Variants in POC1A observed in about 807,000 individuals in gnomAD.
POC1A encodes the protein POC1 centriolar protein homolog A.
A neutral mutation model predicts 47.8 loss-of-function variants in POC1A; 34 were observed. The ratio of observed to expected loss-of-function variants is 0.71; its 90% CI spans 0.54 to 0.95. POC1A has a LOEUF of 0.95. POC1A is among the 40% of genes least tolerant of loss of function. The probability of loss-of-function intolerance (pLI) is 0.00; values close to 1 mark genes in which losing one functional copy is unlikely to be tolerated. For missense variants in POC1A, 466 were observed against 528.3 expected (o/e 0.88, Z 1.16); for synonymous variants, 177 against 207.6 (o/e 0.85, Z 1.27).
At position 52,084,816 on chromosome 3, in the gene POC1A, C is replaced by A. The variant is rs193124414; in HGVS notation, c.1126-8831G>T. ...TGAGTGGTACTGGTTCTTATGGGAG[C>A]GTCCTCTGAGCTGGAAGACAGGTGG... On this transcript the variant is annotated intron_variant, in intron 10 of 10. Transcript: ENST00000296484. This position sits in a 1 kb window ranked among gnomAD's most constrained non-coding sequence, Gnocchi z 4.3. Among the ~76,000 whole-genome samples the A allele has an allele frequency of 6.6e-6, 1 of 152,214 alleles. No individual in the cohort carries two copies. Among genetic ancestry groups the A allele is most frequent in the Non-Finnish European group, 1.5e-5 (1 of 68,040 alleles).
chr3:52,104,319 G>A (rs189229275), intron 9 of POC1A, among the ~76,000 whole-genome samples: 19 of 152,332 alleles, frequency 1.2e-4, no homozygotes, highest in African/African-American at 4.6e-4. Flanking sequence ...GGGGCTGGGG[G>A]TGGAGTGAGT....
At chr3:52,089,592 A>G (rs1251586862) in intron 10 of POC1A, among the ~76,000 whole-genome samples, 1 of 152,166 alleles carries the variant, frequency 6.6e-6, no homozygotes, top group Non-Finnish European at 1.5e-5. Context: ...CCATTTTTGC[A>G]GAAACAACCC....
intron 10 of POC1A, among the ~76,000 whole-genome samples, chr3:52,091,951 T>C (rs933109860): frequency 6.6e-6 from 1 of 152,020 alleles, no homozygotes; most frequent in Non-Finnish European, 1.5e-5. Flanking sequence ...TGATGAATGG[T>C]GGAGGTGTGC....
intron 9 of POC1A, among the ~76,000 whole-genome samples, chr3:52,113,022 G>A (rs949109014): frequency 6.6e-6 from 1 of 152,184 alleles, no homozygotes; most frequent in African/African-American, 2.4e-5. Flanking sequence ...AGCCCTCAGA[G>A]TGATTCTGAG....
Position 52,131,516 on chromosome 3 carries a change from G to A in POC1A, c.814-6335C>T, listed in dbSNP as rs749777891. Among the ~76,000 whole-genome samples the A allele has an allele frequency of 5.8e-4, 88 of 152,188 alleles. 1 individual carries two copies. Among genetic ancestry groups the A allele is most frequent in the Non-Finnish European group, 1.0e-3 (70 of 68,038 alleles). On this transcript the variant is annotated intron_variant, in intron 7 of 10. Coordinates refer to ENST00000296484, the MANE Select transcript of POC1A (RefSeq NM_015426.5). ...CCAAGACTTTCCAGAGCCTCAAATA[G>A]GGCACTGGCACCAGTGCCACCACGC...
intron 10 of POC1A, among the ~76,000 whole-genome samples, chr3:52,080,807 C>T (rs1430922849): frequency 6.6e-6 from 1 of 152,232 alleles, no homozygotes; most frequent in East Asian, 1.9e-4. Context: ...GTGGCCCATC[C>T]CCTGAAGACA....
At chr3:52,143,003 G>A (rs1698249004) in intron 6 of POC1A, among the ~76,000 whole-genome samples, 1 of 152,064 alleles carries the variant, frequency 6.6e-6, no homozygotes, top group African/African-American at 2.4e-5. Flanking sequence ...CAGCCTAGAG[G>A]CTATGGGATG....
intron 7 of POC1A, among the ~76,000 whole-genome samples, chr3:52,132,694 C>A (rs964019835): frequency 3.9e-5 from 6 of 152,148 alleles, no homozygotes; most frequent in Non-Finnish European, 7.3e-5. Flanking sequence ...AACTTGTAAC[C>A]AACATCCACC....
At position 52,096,696 on chromosome 3, in the gene POC1A, G is replaced by C. The variant is rs1424753054; in HGVS notation, c.998C>G (p.Pro333Arg). ...SMGNLPEVDFPVPPGRGRSVE... is the reference protein window; with the variant it reads ...SMGNLPEVDFRVPPGRGRSVE... ...ACTCCTGCCTCTGCCTGGGGGGACA[G>C]GGAAGTCCACTTCTGGCTAAAGACA... is the stretch of plus-strand genomic sequence containing the variant. The change falls in exon 10 of 11, where the codon CCT (proline) becomes CGT (arginine). Residue 333 changes from proline (P) to arginine (R), a missense_variant. Coordinates refer to ENST00000296484, the MANE Select transcript of POC1A (RefSeq NM_015426.5). The C allele has an allele frequency of 1.3e-6, 2 of 1,594,248 alleles. No homozygotes were observed. Among genetic ancestry groups the C allele is most frequent in the Admixed American group, 1.8e-5 (1 of 55,242 alleles).
At chr3:52,122,328 C>G in intron 9 of POC1A, 51 bp downstream of exon 9, 1 of 1,078,172 alleles carries the variant, frequency 9.3e-7, no homozygotes, top group Middle Eastern at 2.2e-4. Flanking sequence ...TTCACCATGA[C>G]CTAGCCCACC....
At chr3:52,081,456 A>C (rs2106927279) in intron 10 of POC1A, among the ~76,000 whole-genome samples, 1 of 152,314 alleles carries the variant, frequency 6.6e-6, no homozygotes, top group East Asian at 1.9e-4. Context: ...CAGTTCAACG[A>C]GGCAGATGCC....
intron 10 of POC1A, among the ~76,000 whole-genome samples, chr3:52,077,313 A>G (rs2106914904): frequency 6.6e-6 from 1 of 152,364 alleles, no homozygotes; most frequent in Non-Finnish European, 1.5e-5. Flanking sequence ...GTGGAAAGGA[A>G]ACTTTCTTTC....
intron 7 of POC1A, among the ~76,000 whole-genome samples, chr3:52,137,639 C>T (rs2107157444): frequency 6.6e-6 from 1 of 152,290 alleles, no homozygotes; most frequent in South Asian, 2.1e-4. Flanking sequence ...CCAGGGAGAC[C>T]AGGGAACCGG....
At chr3:52,148,462 G>C (rs1449926766) in intron 4 of POC1A, among the ~76,000 whole-genome samples, 1 of 152,190 alleles carries the variant, frequency 6.6e-6, no homozygotes, top group Non-Finnish European at 1.5e-5. Flanking sequence ...TTCCTCTGAA[G>C]CAAAGATATT....
intron 10 of POC1A, among the ~76,000 whole-genome samples, chr3:52,081,236 C>A (rs1288664766): frequency 6.6e-6 from 1 of 152,206 alleles, no homozygotes; most frequent in African/African-American, 2.4e-5. Flanking sequence ...TGCTGGCTTC[C>A]GTATGGTCTC....
At chr3:52,094,744 C>T (rs1247355921) in intron 10 of POC1A, among the ~76,000 whole-genome samples, 1 of 152,220 alleles carries the variant, frequency 6.6e-6, no homozygotes, top group Non-Finnish European at 1.5e-5. Context: ...AAGCAGGTGA[C>T]TGGCTGATAT....
chr3:52,086,082 G>A (rs1419256399), intron 10 of POC1A, among the ~76,000 whole-genome samples: 3 of 152,144 alleles, frequency 2.0e-5, no homozygotes, highest in Non-Finnish European at 4.4e-5. Context: ...CTCACTTCCC[G>A]GGTTGTGGTT....
At chr3:52,141,231 A>G (rs912052479) in intron 6 of POC1A, among the ~76,000 whole-genome samples, 12 of 151,934 alleles carry the variant, frequency 7.9e-5, no homozygotes, top group Middle Eastern at 3.4e-3. Flanking sequence ...GAGTACACCC[A>G]CTCCATGCTG....
rs1368103169 is a variant in POC1A at position 52,075,464 on chromosome 3, T to G, written c.*423A>C. On this transcript the variant is annotated 3_prime_UTR_variant, in exon 11 of 11. Transcript: ENST00000296484. ...TAGAGAAAACCCCCGGCTCATCCAA[T>G]CAATGTGCAATCAATTTCTACACCA... 1 of 169,324 alleles carries G rather than the reference T, an allele frequency of 5.9e-6. No homozygotes were observed. The highest frequency in any genetic ancestry group is 1.4e-4 in the East Asian group (1 of 6,900). The allele number at this position is 169,324 out of a possible 1,614,324, so 10.5% of individuals were successfully genotyped here. A position where few individuals can be genotyped will look rare whatever the true frequency, so the allele number is the denominator to read the frequency against.
Sources: allele counts gnomAD v4.1 joint callset (sites outside exome capture counted in the v4.1 genomes callset), GRCh38; gene constraint gnomAD v4.1.1; non-coding constraint Gnocchi (gnomAD v3.1); transcripts MANE v1.5; gene names NCBI Gene and HGNC (gene_info 2026-07-23, HGNC 2026-07-21).